PCDH15: variants seen among roughly 807,000 people sequenced by gnomAD.
PCDH15 encodes the protein protocadherin-15.
Under a neutral mutation model 178.5 loss-of-function variants are expected in PCDH15, and 129 were observed. The ratio of observed to expected loss-of-function variants is 0.72; its 90% CI spans 0.63 to 0.84. The LOEUF is 0.84. Among genes scored for constraint, PCDH15 ranks in the 40% least tolerant of loss-of-function variants. The probability of loss-of-function intolerance (pLI) is 0.00; values close to 1 mark genes in which losing one functional copy is unlikely to be tolerated. For missense variants in PCDH15, 2,230 were observed against 2,099.9 expected, an observed-to-expected ratio of 1.06 and a Z score of -1.21; for synonymous variants, 800 against 732.0, an observed-to-expected ratio of 1.09 and a Z score of -1.50.
rs1056417616 is a variant in PCDH15 at position 53,917,946 on chromosome 10, C to T, written c.3374-14576G>A. Among the ~76,000 whole-genome samples the T allele has an allele frequency of 2.6e-5, 4 of 152,108 alleles. No homozygotes were observed. In the South Asian group the frequency reaches 8.3e-4, roughly 32 times the overall value. On this transcript the variant is annotated intron_variant, in intron 25 of 37. Transcript: ENST00000644397. ...TTGCTCCTGCTCTGGCCATATAACG[C>T]ACTGGCTCTCCCTTCACTTTCCACC...
chr10:54,411,751 C>T (rs1291036026), intron 3 of PCDH15, among the ~76,000 whole-genome samples: 1 of 152,032 alleles, frequency 6.6e-6, no homozygotes, highest in Non-Finnish European at 1.5e-5. Flanking sequence ...GGCTATGTCT[C>T]CAGTAAACAA....
chr10:54,097,155 C>G (rs911354500), intron 15 of PCDH15, among the ~76,000 whole-genome samples: 11 of 152,074 alleles, frequency 7.2e-5, no homozygotes, highest in African/African-American at 2.7e-4. Flanking sequence ...ATTTTCAATG[C>G]AGCATCCAGG....
chr10:55,021,494 C>T (rs565845659), intron 2 of PCDH15, among the ~76,000 whole-genome samples: 50 of 152,290 alleles, frequency 3.3e-4, no homozygotes, highest in African/African-American at 1.1e-3. Flanking sequence ...CTCCATCATC[C>T]TTCAGAATTT....
intron 2 of PCDH15, among the ~76,000 whole-genome samples, chr10:55,383,828 T>C (rs1468766992): frequency 6.6e-6 from 1 of 152,078 alleles, no homozygotes; most frequent in Non-Finnish European, 1.5e-5. Context: ...TTCCAGAAAA[T>C]TTTCCTCTTA....
intron 5 of PCDH15, among the ~76,000 whole-genome samples, chr10:54,351,126 A>G (rs1027543391): frequency 2.5e-4 from 38 of 151,878 alleles, no homozygotes; most frequent in African/African-American, 8.0e-4. Context: ...AAAAAGATAG[A>G]TAGATAGTAG....
At chr10:54,678,648 T>C (rs112633791) in intron 1 of PCDH15, among the ~76,000 whole-genome samples, 1,675 of 152,296 alleles carry the variant, frequency 0.011, 23 homozygotes, top group Non-Finnish European at 0.017. Context: ...GAATTAAAAA[T>C]ATGCCTTTCC....
At chr10:54,151,618 A>G (rs889179855) in intron 14 of PCDH15, among the ~76,000 whole-genome samples, 1 of 152,146 alleles carries the variant, frequency 6.6e-6, no homozygotes, top group Non-Finnish European at 1.5e-5. Flanking sequence ...TAAGAAATGT[A>G]CAGAACTTAC....
intron 25 of PCDH15, among the ~76,000 whole-genome samples, chr10:53,934,297 G>T (rs2085360330): frequency 6.6e-6 from 1 of 152,180 alleles, no homozygotes; most frequent in Non-Finnish European, 1.5e-5. Flanking sequence ...CCACTGTAAG[G>T]TGATGGCAGC....
chr10:54,258,748 G>A (rs1020207), intron 8 of PCDH15, among the ~76,000 whole-genome samples: 104,109 of 151,930 alleles, frequency 0.69, 36,640 homozygotes, highest in Middle Eastern at 0.76. Context: ...TGAAGACTCA[G>A]AGGGAAAATA....
intron 2 of PCDH15, among the ~76,000 whole-genome samples, chr10:55,423,078 TACTC>T (rs912409208): frequency 2.6e-5 from 4 of 151,962 alleles, no homozygotes; most frequent in African/African-American, 9.7e-5. Context: ...AACCTGGACT[TACTC>T]ATAAATGTGA....
intron 1 of PCDH15, among the ~76,000 whole-genome samples, chr10:54,688,041 C>T (rs1369960486): frequency 6.6e-6 from 1 of 151,604 alleles, no homozygotes. Flanking sequence ...ATTCTAACCA[C>T]AATAAAATAA....
chr10:55,265,209 A>G (rs1396412618), intron 1 of PCDH15, among the ~76,000 whole-genome samples: 5 of 151,890 alleles, frequency 3.3e-5, no homozygotes, highest in African/African-American at 9.7e-5. Context: ...TCTTCTCCCA[A>G]TAGTACTTAA....
chr10:54,009,211 T>C (rs372537469), intron 20 of PCDH15, among the ~76,000 whole-genome samples: 2 of 152,062 alleles, frequency 1.3e-5, no homozygotes, highest in African/African-American at 4.8e-5. Context: ...TAGTACTGAA[T>C]AAAGTTTTAA....
rs1953859812 is a variant in PCDH15, at chr10:54,862,465, T to C, written c.-29+34985A>G. On this transcript the variant is annotated intron_variant, in intron 3 of 5. Transcript: ENST00000458638. ...GCTGAGAAGGTGTGAATAGTTTTTA[T>C]GCCCATTTGATCATAGTTAGCTGCT... Among the ~76,000 whole-genome samples the C allele has an allele frequency of 2.0e-5, 3 of 152,294 alleles. No individual in the cohort carries two copies. The South Asian group carries it at 6.2e-4, about 32-fold the overall frequency.
Position 54,798,390 on chromosome 10 carries a change from T to C in PCDH15, c.-29+2535A>G, listed in dbSNP as rs571041451. Among the ~76,000 whole-genome samples, 3 of 152,162 alleles carry C rather than the reference T, an allele frequency of 2.0e-5. No homozygotes were observed. In the South Asian group the frequency reaches 6.2e-4, roughly 32 times the overall value. ...AAATCCCATTACAAAAGAAAATATA[T>C]CAAACCTCAAACAAAGTTTTAGTTG... On this transcript the variant is annotated intron_variant, in intron 1 of 37. Transcript: ENST00000644397.
At chr10:54,725,888 T>TAA (rs201920592) in intron 1 of PCDH15, among the ~76,000 whole-genome samples, 2 of 147,010 alleles carry the variant, frequency 1.4e-5, no homozygotes, top group African/African-American at 5.1e-5. Context: ...TCAGTTCTGG[T>TAA]AAAAAAAAAT....
chr10:54,449,078 G>A (rs558919432), intron 3 of PCDH15, among the ~76,000 whole-genome samples: 2 of 151,662 alleles, frequency 1.3e-5, no homozygotes, highest in South Asian at 2.1e-4. Flanking sequence ...CCTTGGCTAC[G>A]GCAGGGAAGT....
chr10:55,604,423 C>A (rs1843160170), intron 2 of PCDH15, among the ~76,000 whole-genome samples: 1 of 151,976 alleles, frequency 6.6e-6, no homozygotes, highest in African/African-American at 2.4e-5. Context: ...ACTCTCCACC[C>A]CATATCAACG....
intron 21 of PCDH15, among the ~76,000 whole-genome samples, chr10:53,972,739 A>G (rs2089837462): frequency 6.6e-6 from 1 of 152,200 alleles, no homozygotes; most frequent in Non-Finnish European, 1.5e-5. Context: ...AACCACAATG[A>G]GATACCATCT....
Sources: gnomAD v4.1 joint callset for allele counts (sites outside exome capture counted in the v4.1 genomes callset) on GRCh38, gnomAD v4.1.1 for gene constraint, MANE v1.5 for transcripts, NCBI Gene and HGNC (gene_info 2026-07-23, HGNC 2026-07-21) for gene names.